The following ABCA12 variants were observed in gnomAD, a reference collection of about 807,000 sequenced individuals.
ABCA12 encodes ATP binding cassette subfamily A member 12.
In ABCA12, 156 loss-of-function variants were observed where a neutral mutation model predicts 293.5. The observed-to-expected ratio is 0.53, with a 90% CI of 0.47 to 0.61. The LOEUF is 0.61. Among genes scored for constraint, ABCA12 ranks in the 20% least tolerant of loss-of-function variants. The probability of loss-of-function intolerance (pLI) is 0.00; values close to 1 mark genes in which losing one functional copy is unlikely to be tolerated. For missense variants in ABCA12, 2,797 were observed against 3,090.2 expected (o/e 0.91, Z 2.25); for synonymous variants, 1,063 against 1,108.0 (o/e 0.96, Z 0.81).
chr2:215,100,992 C>T (rs1387133129), intron 2 of ABCA12, among the ~76,000 whole-genome samples: 1 of 152,178 alleles, frequency 6.6e-6, no homozygotes, highest in Non-Finnish European at 1.5e-5. Flanking sequence ...TCTTTAGACA[C>T]TGCTCCAACA....
intron 28 of ABCA12, among the ~76,000 whole-genome samples, chr2:214,984,589 T>G (rs1377802832): frequency 6.6e-6 from 1 of 152,144 alleles, no homozygotes; most frequent in Non-Finnish European, 1.5e-5. Context: ...TCTTACAGGG[T>G]CCTTCAACTC....
chr2:214,969,909 C>G (rs748506433), intron 37 of ABCA12, among the ~76,000 whole-genome samples: 4 of 151,964 alleles, frequency 2.6e-5, no homozygotes, highest in Non-Finnish European at 2.9e-5. Context: ...ATATCACACT[C>G]TTAAGTTTTG....
intron 2 of ABCA12, among the ~76,000 whole-genome samples, chr2:215,100,108 A>G (rs1702326900): frequency 6.6e-6 from 1 of 151,454 alleles, no homozygotes; most frequent in Admixed American, 6.6e-5. Flanking sequence ...TCGACCTCCC[A>G]GGCTCAAGTG....
intron 1 of ABCA12, among the ~76,000 whole-genome samples, chr2:215,122,888 C>A (rs1044447727): frequency 1.2e-4 from 18 of 152,132 alleles, no homozygotes; most frequent in African/African-American, 3.6e-4. Flanking sequence ...GTGTGCCCGT[C>A]ACCAAAATAT....
chr2:215,004,320 A>G (rs753637022), intron 19 of ABCA12, 21 bp from the exon 20 acceptor site: 8 of 1,560,188 alleles, frequency 5.1e-6, no homozygotes, highest in African/African-American at 4.1e-5. Context: ...ATAATTAAAA[A>G]TCAGTTTCAA....
chr2:215,049,129 C>T (rs1364540655), intron 6 of ABCA12, among the ~76,000 whole-genome samples: 1 of 152,070 alleles, frequency 6.6e-6, no homozygotes, highest in East Asian at 1.9e-4. Flanking sequence ...ATATAACAAA[C>T]CTGCAATATG....
At position 214,954,038 on chromosome 2, in the gene ABCA12, C is replaced by A; in HGVS notation, c.6463G>T (p.Gly2155Cys). 2.5e-6 allele frequency: 4 copies of A among 1,613,914 alleles called. No homozygotes were observed. The highest frequency in any genetic ancestry group is 2.2e-5 in the South Asian group (2 of 91,066). The change falls in exon 44 of 53, where the codon GGT becomes TGT. Residue 2155 changes from glycine (G) to cysteine (C), a missense_variant. Gly to Cys is a radical substitution (Grantham distance 159, BLOSUM62 -3). Coordinates refer to ENST00000272895, the MANE Select transcript of ABCA12 (RefSeq NM_173076.3). ...TGTTGTTGAGAAAGTTCAATCAAAC[C>A]GTAGCCAAAACAGAATTGTGGGAAA... ...LIFPQFCFGY[G>C]LIELSQQQSV... is the part of the protein sequence containing the mutation.
intron 2 of ABCA12, among the ~76,000 whole-genome samples, chr2:215,086,366 G>C (rs1702037223): frequency 6.6e-6 from 1 of 152,204 alleles, no homozygotes; most frequent in African/African-American, 2.4e-5. Flanking sequence ...AGAGCCTCTA[G>C]GAGAATTCAA....
intron 39 of ABCA12, among the ~76,000 whole-genome samples, chr2:214,965,824 T>G (rs1055679403): frequency 6.6e-6 from 1 of 152,194 alleles, no homozygotes; most frequent in Non-Finnish European, 1.5e-5. Context: ...GAAGACAGTG[T>G]GGTGATTCCT....
chr2:215,127,537 T>A (rs1188880143), intron 1 of ABCA12, among the ~76,000 whole-genome samples: 2 of 152,202 alleles, frequency 1.3e-5, no homozygotes, highest in African/African-American at 4.8e-5. Context: ...CCTTTTACCA[T>A]TATATAATGT....
At chr2:214,938,600 A>G (rs1224745206) in intron 50 of ABCA12, among the ~76,000 whole-genome samples, 1 of 152,114 alleles carries the variant, frequency 6.6e-6, no homozygotes, top group Non-Finnish European at 1.5e-5. Flanking sequence ...AAGTGTTCCT[A>G]TTTCTCCACA....
chr2:214,976,277 T>C (rs1699515587), intron 33 of ABCA12, among the ~76,000 whole-genome samples: 1 of 152,198 alleles, frequency 6.6e-6, no homozygotes, highest in South Asian at 2.1e-4. Flanking sequence ...AAAATTCTAA[T>C]TCACTATACA....
chr2:215,084,490 A>G (rs891202488), intron 2 of ABCA12, among the ~76,000 whole-genome samples: 5 of 152,204 alleles, frequency 3.3e-5, no homozygotes, highest in African/African-American at 1.2e-4. Context: ...ATAAAACTGG[A>G]CAAAGTACTA....
chr2:215,127,220 C>T (rs1395144671), intron 1 of ABCA12, among the ~76,000 whole-genome samples: 1 of 152,130 alleles, frequency 6.6e-6, no homozygotes, highest in African/African-American at 2.4e-5. Flanking sequence ...ATCATATGGT[C>T]TATCTTGAAG....
intron 1 of ABCA12, among the ~76,000 whole-genome samples, chr2:215,123,970 C>A (rs1702864945): frequency 6.6e-6 from 1 of 152,108 alleles, no homozygotes. Context: ...ATTCTTATGC[C>A]TTTGTGTCCT....
At chr2:215,022,662 T>C (rs1559151859) in intron 11 of ABCA12, 1 of 152,190 alleles carries the variant, frequency 6.6e-6, no homozygotes, top group Non-Finnish European at 1.5e-5. Context: ...ACTAATGCCA[T>C]TTCCAGCTGT....
intron 20 of ABCA12, among the ~76,000 whole-genome samples, chr2:215,003,093 T>C (rs1015803914): frequency 3.9e-5 from 6 of 152,146 alleles, no homozygotes; most frequent in African/African-American, 1.4e-4. Context: ...AATACAAATA[T>C]AGGCATAATT....
intron 1 of ABCA12, among the ~76,000 whole-genome samples, chr2:215,118,342 C>A (rs1342392457): frequency 6.6e-6 from 1 of 152,032 alleles, no homozygotes; most frequent in Non-Finnish European, 1.5e-5. Flanking sequence ...ATGGAGGTTG[C>A]AGCGAGCCGA....
chr2:215,031,974 A>G (rs1418916933), intron 8 of ABCA12, 78 bp from the exon 9 acceptor site: 6 of 1,601,904 alleles, frequency 3.7e-6, no homozygotes, highest in Non-Finnish European at 5.1e-6. Flanking sequence ...AAACCATCCC[A>G]GGTCAAATTA....
Sources: allele counts gnomAD v4.1 joint callset (sites outside exome capture counted in the v4.1 genomes callset), GRCh38; gene constraint gnomAD v4.1.1; transcripts MANE v1.5; gene names NCBI Gene and HGNC (gene_info 2026-07-23, HGNC 2026-07-21).